PGAP6: variants seen among roughly 807,000 people sequenced by gnomAD.
PGAP6 encodes post-GPI attachment to proteins 6.
PGAP6 carries 62 observed loss-of-function variants against 68.4 expected under a neutral mutation model. That is an observed-to-expected ratio of 0.91 (90% confidence interval 0.74 to 1.12). PGAP6 has a LOEUF of 1.12. PGAP6 is among the 50% of genes most tolerant of loss of function. The probability of loss-of-function intolerance (pLI) is 0.00; values close to 1 mark genes in which losing one functional copy is unlikely to be tolerated. For missense variants in PGAP6, 1,188 were observed against 1,068.5 expected (o/e 1.11, Z -1.56); for synonymous variants, 575 against 474.0 (o/e 1.21, Z -2.77).
rs1353010247 is a variant in PGAP6, at chr16:372,790, C to T, written c.1903-63G>A. ...GAGGGCTCAAGGCCCAGCAGGAGCA[C>T]GCGTACCCCACGGCCCCACAGCACC... is the stretch of plus-strand genomic sequence containing the variant. On this transcript the variant is annotated intron_variant, in intron 11 of 12. Transcript: ENST00000431232. The T allele has an allele frequency of 1.4e-5, 17 of 1,237,266 alleles. No individual in the cohort carries two copies. In the East Asian group the frequency reaches 1.9e-4, roughly 14 times the overall value. 76.6% of individuals were successfully genotyped at this position (1,237,266 alleles called of 1,614,324 possible). A position where few individuals can be genotyped will look rare whatever the true frequency, so the allele number is the denominator to read the frequency against.
Position 375,548 on chromosome 16 carries a change from T to TTTC in PGAP6, c.1225-114_1225-113insGAA. The TTTC allele has an allele frequency of 1.5e-5, 13 of 857,368 alleles. No homozygotes were observed. The African/African-American group carries it at 1.6e-4, about 10-fold the overall frequency. 53.1% of individuals were successfully genotyped at this position (857,368 alleles called of 1,614,324 possible). On this transcript the variant is annotated intron_variant, in intron 6 of 12. Coordinates refer to ENST00000431232, the MANE Select transcript of PGAP6 (RefSeq NM_021259.3). Reference sequence around the variant, plus strand: ...TGGTGCCTTTCTTTTTTTTTTTTTTTCTGAGATGGAGTCTTGCTCTGTCGC... The same window carrying TTTC: ...TGGTGCCTTTCTTTTTTTTTTTTTTTTTCCTGAGATGGAGTCTTGCTCTGTCGC...
At chr16:372,408 C>T in intron 12 of PGAP6, 125 bp from the exon 13 acceptor site, 1 of 1,151,772 alleles carries the variant, frequency 8.7e-7, no homozygotes, top group Non-Finnish European at 1.2e-6. Flanking sequence ...GGGTGGGCTG[C>T]TTCGAGGGGG....
upstream of PGAP6, chr16:382,042 A>G (rs1160337521): frequency 5.3e-6 from 3 of 566,860 alleles, no homozygotes; most frequent in Non-Finnish European, 6.8e-6. Flanking sequence ...GGGGGGCGGG[A>G]CCGGGGGGGG....
Position 371,890 on chromosome 16 carries a change from G to C in PGAP6, c.*97C>G, listed in dbSNP as rs1381032126. ...GGTATCTAGGCCAATTTATTCAGCTGGAAATCAATCTGTCCAGGGCTGGAC... is the reference window on the plus strand; with the variant it reads ...GGTATCTAGGCCAATTTATTCAGCTCGAAATCAATCTGTCCAGGGCTGGAC... On this transcript the variant is annotated 3_prime_UTR_variant, in exon 13 of 13. Transcript: ENST00000431232. 7.2e-7 allele frequency: 1 copy of C among 1,380,500 alleles called. No homozygotes were observed. Among genetic ancestry groups the C allele is most frequent in the Non-Finnish European group, 9.9e-7 (1 of 1,013,142 alleles). The allele number at this position is 1,380,500 out of a possible 1,614,324, so 85.5% of individuals were successfully genotyped here.
intron 1 of PGAP6, among the ~76,000 whole-genome samples, chr16:378,225 G>C (rs866975383): frequency 0.19 from 2,447 of 13,062 alleles, 18 homozygotes; most frequent in African/African-American, 0.31. Flanking sequence ...TCGCCACCCT[G>C]ACTGCCATCG....
Position 380,587 on chromosome 16 carries a change from G to A in PGAP6, c.121+1114C>T, listed in dbSNP as rs544836090. Among the ~76,000 whole-genome samples, 10 of 152,184 alleles carry A rather than the reference G, an allele frequency of 6.6e-5. No homozygotes were observed. In the South Asian group the frequency reaches 1.9e-3, roughly 28 times the overall value. ...TCTCCATGTTGGTCAGGCTGGTCTC[G>A]AACTCCTGACCTCAGGTGATCCACC... is the stretch of plus-strand genomic sequence containing the variant. On this transcript the variant is annotated intron_variant, in intron 1 of 12. Transcript: ENST00000431232.
In PGAP6 at chr16:381,412, G is replaced by C. The variant is rs545730346; in HGVS notation, c.121+289C>G. Among the ~76,000 whole-genome samples the C allele has an allele frequency of 1.6e-3, 240 of 152,058 alleles. 1 individual carries two copies. The highest frequency in any genetic ancestry group is 5.4e-3 in the African/African-American group (224 of 41,500). On this transcript the variant is annotated intron_variant, in intron 1 of 12. Coordinates refer to ENST00000431232, the MANE Select transcript of PGAP6 (RefSeq NM_021259.3). Reference sequence around the variant, plus strand: ...CCCTCCACTTCCCCGCGCCGGGCGCGCCGGACCTGGGCGCTCTGGGAGGAG... The same window carrying C: ...CCCTCCACTTCCCCGCGCCGGGCGCCCCGGACCTGGGCGCTCTGGGAGGAG...
upstream of PGAP6, chr16:382,447 G>T (rs1274361827): frequency 1.6e-5 from 6 of 375,506 alleles, no homozygotes; most frequent in Non-Finnish European, 2.4e-5. Context: ...GGGACCCCCG[G>T]GCCGGCCTTC....
chr16:384,622 G>A (rs1452613625), upstream of PGAP6, among the ~76,000 whole-genome samples: 6 of 152,018 alleles, frequency 3.9e-5, no homozygotes, highest in South Asian at 2.1e-4. Context: ...TTGGGAGGCT[G>A]AGGCCGGCGG....
At position 374,024 on chromosome 16, in the gene PGAP6, A is replaced by T. The variant is rs2054357001; in HGVS notation, c.1883T>A (p.Leu628His). ...IWVTILCMAR[L>H]KTVLKYVLFL... is the part of the protein sequence containing the mutation. ...ACTCACGTATTTCAGGACTGTCTTG[A>T]GCCGTGCCATGCACAGGATGGTGAC... Residue 628 changes from leucine to histidine, a missense_variant, in exon 11 of 13, where the codon CTC (leucine) becomes CAC (histidine). By Grantham distance (99) the Leu-to-His change is moderately conservative. Coordinates refer to ENST00000431232, the MANE Select transcript of PGAP6 (RefSeq NM_021259.3). 12 of 1,610,970 alleles carry T rather than the reference A, an allele frequency of 7.4e-6. No homozygotes were observed. Among genetic ancestry groups the T allele is most frequent in the Non-Finnish European group, 1.0e-5 (12 of 1,179,812 alleles).
chr16:374,887 C>T lies in PGAP6; in HGVS notation c.1445G>A (p.Cys482Tyr), dbSNP rs1460625813. 1 of 1,612,830 alleles carries T rather than the reference C, an allele frequency of 6.2e-7. No individual in the cohort carries two copies. The highest frequency in any genetic ancestry group is 1.3e-5 in the African/African-American group (1 of 75,066). Residue 482 changes from cysteine to tyrosine, a missense_variant, in exon 9 of 13, where the codon TGT (cysteine) becomes TAT (tyrosine). By Grantham distance (194) the Cys-to-Tyr change is radical. Transcript: ENST00000431232. ...QLMCPENAED[C>Y]EQAVVHVETT... Reference sequence around the variant, plus strand: ...CTCCACGTGGACCACAGCCTGCTCACAGTCCCTTTGAGGAAGGGGCCACAG... The same window carrying T: ...CTCCACGTGGACCACAGCCTGCTCATAGTCCCTTTGAGGAAGGGGCCACAG...
At chr16:373,401 A>C (rs567256577) in intron 11 of PGAP6, among the ~76,000 whole-genome samples, 1 of 152,212 alleles carries the variant, frequency 6.6e-6, no homozygotes, top group East Asian at 1.9e-4. Context: ...GGACCCAGGG[A>C]GCATGGGTGG....
intron 1 of PGAP6, among the ~76,000 whole-genome samples, chr16:379,726 C>G (rs746469430): frequency 1.1e-4 from 16 of 152,232 alleles, no homozygotes; most frequent in Non-Finnish European, 1.0e-4. Flanking sequence ...GATAAGAGAT[C>G]TGTTCAAGGT....
chr16:376,071 G>A (rs1477055222), intron 6 of PGAP6, 65 bp downstream of exon 6: 31 of 1,469,606 alleles, frequency 2.1e-5, no homozygotes, highest in Middle Eastern at 2.0e-4. Flanking sequence ...ATGAGGAGGC[G>A]CTGCAGGGGT....
At chr16:372,368 C>A in intron 12 of PGAP6, 85 bp from the exon 13 acceptor site, 4 of 1,433,032 alleles carry the variant, frequency 2.8e-6, no homozygotes, top group South Asian at 2.6e-5. Context: ...TTACTGGGGG[C>A]CTGCCCAGGT....
At chr16:386,488 C>G (rs1343516995), upstream of PGAP6, among the ~76,000 whole-genome samples, 1 of 152,066 alleles carries the variant, frequency 6.6e-6, no homozygotes, top group Admixed American at 6.6e-5. Context: ...ACTCTGTGGT[C>G]AGGCAGGAGG....
Position 375,190 on chromosome 16 carries a change from T to A in PGAP6, c.1382A>T (p.Tyr461Phe). The A allele has an allele frequency of 6.2e-7, 1 of 1,613,356 alleles. No individual in the cohort carries two copies. Among genetic ancestry groups the A allele is most frequent in the Non-Finnish European group, 8.5e-7 (1 of 1,179,972 alleles). The change falls in exon 8 of 13, where the codon TAC (tyrosine) becomes TTC (phenylalanine). Residue 461 changes from tyrosine (Y) to phenylalanine (F), a missense_variant. By Grantham distance (22) the Tyr-to-Phe change is conservative. Transcript: ENST00000431232. ...WSRRANLIIP[Y>F]PETDNWYLSL... ...GAGGTACCAGTTGTCTGTCTCTGGG[T>A]AGGGGATGATGAGGTTGGCCCTGCG... is the stretch of plus-strand genomic sequence containing the variant.
Position 373,992 on chromosome 16 carries a change from G to C in PGAP6, c.1902+13C>G. 1 of 1,598,650 alleles carries C rather than the reference G, an allele frequency of 6.3e-7. No homozygotes were observed. The highest frequency in any genetic ancestry group is 8.5e-7 in the Non-Finnish European group (1 of 1,173,330). On this transcript the variant is annotated intron_variant, in intron 11 of 12. Coordinates refer to ENST00000431232, the MANE Select transcript of PGAP6 (RefSeq NM_021259.3). ...TCCCCCGGAGCCCACACCCCACGTC[G>C]AGGGCCACTCACGTATTTCAGGACT...
At chr16:374,531 C>CACCTGCCTTGCAGCTGCAG in intron 9 of PGAP6, 132 bp from the exon 10 acceptor site, 1 of 1,189,620 alleles carries the variant, frequency 8.4e-7, no homozygotes, top group Non-Finnish European at 1.1e-6. Flanking sequence ...CGGGCGGGGT[C>CACCTGCCTTGCAGCTGCAG]CAAGGTCAGG....
Sources: gnomAD v4.1 joint callset for allele counts (sites outside exome capture counted in the v4.1 genomes callset) on GRCh38, gnomAD v4.1.1 for gene constraint, MANE v1.5 for transcripts, NCBI Gene and HGNC (gene_info 2026-07-23, HGNC 2026-07-21) for gene names.